The following ZBTB46 variants were observed in gnomAD, a reference collection of about 807,000 sequenced individuals.
ZBTB46 encodes zinc finger and BTB domain containing 46.
ZBTB46 carries 8 observed loss-of-function variants against 44.1 expected under a neutral mutation model. That is an observed-to-expected ratio of 0.18 (90% confidence interval 0.11 to 0.33). ZBTB46 has a LOEUF of 0.33. Among genes scored for constraint, ZBTB46 ranks in the 10% least tolerant of loss-of-function variants. ZBTB46 has a pLI of 1.00. For missense variants in ZBTB46, 651 were observed against 847.7 expected (o/e 0.77, Z 2.88); for synonymous variants, 409 against 382.3 (o/e 1.07, Z -0.81).
chr20:63,808,327 C>G (rs1308250803), intron 1 of ZBTB46, among the ~76,000 whole-genome samples: 1 of 151,800 alleles, frequency 6.6e-6, no homozygotes, highest in East Asian at 1.9e-4. Context: ...CCTTCCCAGC[C>G]CTTGCCCCGG....
rs749223494 is a variant in ZBTB46 at position 63,789,801 on chromosome 20, G to C, written c.937+20C>G. The C allele has an allele frequency of 6.3e-7, 1 of 1,582,200 alleles. No individual in the cohort carries two copies. Among genetic ancestry groups the C allele is most frequent in the Non-Finnish European group, 8.5e-7 (1 of 1,170,654 alleles). On this transcript the variant is annotated intron_variant, in intron 2 of 4. Transcript: ENST00000245663. ...GACACACTGGGGCAGCTGAGCCCCCGTAACGAGTGAAAGGCTTACTTGAGT... is the reference window on the plus strand; with the variant it reads ...GACACACTGGGGCAGCTGAGCCCCCCTAACGAGTGAAAGGCTTACTTGAGT...
chr20:63,775,439 C>T (rs1329020820), intron 3 of ZBTB46: 6 of 452,760 alleles, frequency 1.3e-5, no homozygotes, highest in Non-Finnish European at 2.3e-5. Flanking sequence ...GGCTGCTCCC[C>T]TGCCCGCCGC....
At chr20:63,808,700 C>T (rs1338394302) in intron 1 of ZBTB46, among the ~76,000 whole-genome samples, 2 of 152,130 alleles carry the variant, frequency 1.3e-5, no homozygotes, top group Non-Finnish European at 2.9e-5. Flanking sequence ...AACCAGCAGG[C>T]GCGGTGGCTC....
intron 1 of ZBTB46, among the ~76,000 whole-genome samples, chr20:63,816,833 G>A (rs1341679784): frequency 1.3e-5 from 2 of 152,186 alleles, no homozygotes; most frequent in Admixed American, 6.6e-5. Context: ...GGCCTGGCAC[G>A]GTGGCTCACG....
intron 3 of ZBTB46, among the ~76,000 whole-genome samples, chr20:63,763,677 G>A (rs1335825644): frequency 1.3e-5 from 2 of 152,154 alleles, no homozygotes; most frequent in Non-Finnish European, 2.9e-5. Context: ...AGTTCAACAT[G>A]AGATTTGGGT....
chr20:63,820,714 G>A (rs1438708816), intron 1 of ZBTB46, among the ~76,000 whole-genome samples: 2 of 151,980 alleles, frequency 1.3e-5, no homozygotes, highest in Non-Finnish European at 2.9e-5. Flanking sequence ...TTACAGGCGT[G>A]AGCCACCGCG....
intron 2 of ZBTB46, among the ~76,000 whole-genome samples, chr20:63,784,065 C>T (rs2092492420): frequency 6.6e-6 from 1 of 152,174 alleles, no homozygotes; most frequent in Admixed American, 6.5e-5. Flanking sequence ...ACGGCTGAGA[C>T]CGTGGTGGGG....
At chr20:63,829,495 G>A (rs974161273) in intron 1 of ZBTB46, among the ~76,000 whole-genome samples, 1 of 152,254 alleles carries the variant, frequency 6.6e-6, no homozygotes, top group Middle Eastern at 3.2e-3. Flanking sequence ...TAACTCCCCA[G>A]CCCTCTTCCT....
At chr20:63,771,574 T>G (rs891980210) in intron 3 of ZBTB46, among the ~76,000 whole-genome samples, 1 of 152,162 alleles carries the variant, frequency 6.6e-6, no homozygotes, top group Admixed American at 6.5e-5. Context: ...CCGTGAACTC[T>G]GAGGCGCTCC....
intron 1 of ZBTB46, among the ~76,000 whole-genome samples, chr20:63,800,604 C>T (rs556810059): frequency 2.2e-4 from 34 of 152,340 alleles, no homozygotes; most frequent in African/African-American, 6.7e-4. Context: ...GCGGCGCTTG[C>T]GGGCCAGCTA....
At chr20:63,785,593 C>T (rs1387217977) in intron 2 of ZBTB46, among the ~76,000 whole-genome samples, 2 of 152,150 alleles carry the variant, frequency 1.3e-5, no homozygotes, top group Admixed American at 1.3e-4. Flanking sequence ...GCCTTTGCTT[C>T]TATAAATGGG....
chr20:63,830,246 C>T (rs1022490433), intron 1 of ZBTB46, among the ~76,000 whole-genome samples: 22 of 152,218 alleles, frequency 1.4e-4, no homozygotes, highest in African/African-American at 5.1e-4. Flanking sequence ...CTAGCAGGAG[C>T]CCTCCCTCTG....
Position 63,752,621 on chromosome 20 carries a change from G to A in ZBTB46, c.1398+65C>T, listed in dbSNP as rs1473940694. 2 of 1,445,780 alleles carry A rather than the reference G, an allele frequency of 1.4e-6. No homozygotes were observed. The highest frequency in any genetic ancestry group is 1.8e-6 in the Non-Finnish European group (2 of 1,096,910). 89.6% of individuals were successfully genotyped at this position (1,445,780 alleles called of 1,614,324 possible). A position where few individuals can be genotyped will look rare whatever the true frequency, so the allele number is the denominator to read the frequency against. On this transcript the variant is annotated intron_variant, in intron 4 of 4. Transcript: ENST00000245663. This position sits in a 1 kb window ranked among gnomAD's most constrained non-coding sequence, Gnocchi z 5.6. ...CCGGGGCGGTCTGCGCCCTCATCAG[G>A]ACCCGCCTGCCCGGACATCGTGGCC...
At chr20:63,753,913 GACAAGTGGGATAAGC>G (rs1354815374) in intron 3 of ZBTB46, among the ~76,000 whole-genome samples, 1 of 152,208 alleles carries the variant, frequency 6.6e-6, no homozygotes, top group Admixed American at 6.5e-5. Flanking sequence ...GATAAATTCT[GACAAGTGGGATAAGC>G]ACCTGCCCTC....
At chr20:63,796,488 G>C (rs1353055026) in intron 1 of ZBTB46, among the ~76,000 whole-genome samples, 1 of 152,244 alleles carries the variant, frequency 6.6e-6, no homozygotes, top group African/African-American at 2.4e-5. Context: ...CCTCTGACTT[G>C]AAACCTGCAT....
At chr20:63,769,116 G>A (rs1018149077) in intron 3 of ZBTB46, 13 of 848,442 alleles carry the variant, frequency 1.5e-5, no homozygotes, top group African/African-American at 1.8e-5. Flanking sequence ...GAGAGCAGGT[G>A]CCACCAAAGT....
At position 63,744,479 on chromosome 20, in the gene ZBTB46, G is replaced by C. The variant is rs77533182; in HGVS notation, c.*2451C>G. 1.3e-5 allele frequency: 2 copies of C among 151,444 alleles called. No individual in the cohort carries two copies. The highest frequency in any genetic ancestry group is 4.9e-5 in the African/African-American group (2 of 41,164). The allele number at this position is 151,444 out of a possible 1,614,324, so 9.4% of individuals were successfully genotyped here. On this transcript the variant is annotated 3_prime_UTR_variant, in exon 5 of 5. Coordinates refer to ENST00000245663, the MANE Select transcript of ZBTB46 (RefSeq NM_001369741.1). ...TGTTGTAAACACCAAAATACAAACA[G>C]ACACAAACAAAAATACAAAATGTGA...
At chr20:63,797,196 CCT>C (rs1026795750) in intron 1 of ZBTB46, among the ~76,000 whole-genome samples, 6 of 146,686 alleles carry the variant, frequency 4.1e-5, no homozygotes, top group African/African-American at 1.3e-4. Context: ...TGTTCCCCAC[CCT>C]GTGTCCAAGT....
chr20:63,805,707 C>T (rs2092676815), intron 1 of ZBTB46, among the ~76,000 whole-genome samples: 1 of 152,130 alleles, frequency 6.6e-6, no homozygotes, highest in East Asian at 1.9e-4. Context: ...GTGGTACTTT[C>T]ACAGCAGCCC....
Sources: allele counts gnomAD v4.1 joint callset (sites outside exome capture counted in the v4.1 genomes callset), GRCh38; gene constraint gnomAD v4.1.1; non-coding constraint Gnocchi (gnomAD v3.1); transcripts MANE v1.5; gene names NCBI Gene and HGNC (gene_info 2026-07-23, HGNC 2026-07-21).